The following LRRC37A2 variants were observed in gnomAD, a reference collection of about 807,000 sequenced individuals.
LRRC37A2 encodes leucine-rich repeat-containing protein 37A2.
A neutral mutation model predicts 68.8 loss-of-function variants in LRRC37A2; 9 were observed. The ratio of observed to expected loss-of-function variants is 0.13; its 90% CI spans 0.08 to 0.23. The LOEUF (loss-of-function observed/expected upper bound fraction) is 0.23. Ranked by LOEUF, LRRC37A2 falls within the 10% of genes least tolerant of loss-of-function variation. The pLI, the probability that LRRC37A2 is intolerant of heterozygous loss-of-function variation, is 1.00. For missense variants in LRRC37A2, 168 were observed against 950.4 expected, an observed-to-expected ratio of 0.18 and a Z score of 10.82; for synonymous variants, 63 against 367.6, an observed-to-expected ratio of 0.17 and a Z score of 9.48.
At chr17:46,697,132 T>C in the LRRC37A2 span, among the ~76,000 whole-genome samples, 1 of 83,532 alleles carries the variant, frequency 1.2e-5, no homozygotes, top group African/African-American at 3.0e-5. Context: ...TAAATCCTTA[T>C]CTTATTCACC....
At chr17:46,946,164 G>A in the LRRC37A2 span, among the ~76,000 whole-genome samples, 5 of 151,864 alleles carry the variant, frequency 3.3e-5, no homozygotes, top group Non-Finnish European at 1.5e-5. Flanking sequence ...GGCTGGGCGC[G>A]GTGTCTCATG....
the LRRC37A2 span, among the ~76,000 whole-genome samples, chr17:46,440,660 T>C: frequency 1.4e-4 from 2 of 14,202 alleles, no homozygotes; most frequent in South Asian, 2.5e-3. Context: ...AGAGACAGGG[T>C]TTCATCATGT....
chr17:46,916,404 T>G, the LRRC37A2 span, among the ~76,000 whole-genome samples: 1 of 152,144 alleles, frequency 6.6e-6, no homozygotes, highest in Non-Finnish European at 1.5e-5. Flanking sequence ...AAGGCAGGGG[T>G]GCAGTCAACA....
intron 9 of LRRC37A2, 129 bp from the exon 9 acceptor site, chr17:46,548,183 T>G: frequency 1.2e-4 from 28 of 233,216 alleles, no homozygotes; most frequent in South Asian, 7.5e-4. Context: ...GGGTGTGTGT[T>G]TCTCCTCTCT....
Position 46,548,299 on chromosome 17 carries a change from T to A in LRRC37A2, c.3173-13T>A. 1 of 432,846 alleles carries A rather than the reference T, an allele frequency of 2.3e-6. No homozygotes were observed. The highest frequency in any genetic ancestry group is 3.7e-6 in the Non-Finnish European group (1 of 268,456). The allele number at this position is 432,846 out of a possible 1,614,324, so 26.8% of individuals were successfully genotyped here. A position where few individuals can be genotyped will look rare whatever the true frequency, so the allele number is the denominator to read the frequency against. The stretch of plus-strand genomic sequence containing the variant: ...ATCTTTCATGATCAAAGCAGTCTCT[T>A]CTTTTTTGACAGCTGAAGAAGCATC... On this transcript the variant is annotated splice_polypyrimidine_tract_variant and intron_variant, in intron 9 of 14. Coordinates refer to ENST00000576629, the Ensembl canonical transcript of LRRC37A2.
At chr17:46,980,507 A>G in the LRRC37A2 span, among the ~76,000 whole-genome samples, 2 of 151,772 alleles carry the variant, frequency 1.3e-5, no homozygotes, top group Non-Finnish European at 2.9e-5. Flanking sequence ...TTTAGATTGT[A>G]TTTTGAAAAA....
the LRRC37A2 span, among the ~76,000 whole-genome samples, chr17:46,912,772 G>A: frequency 6.6e-6 from 1 of 152,220 alleles, no homozygotes; most frequent in African/African-American, 2.4e-5. Context: ...TGGGGTGGGA[G>A]TGACTGGGGT....
At chr17:46,771,209 C>G in the LRRC37A2 span, among the ~76,000 whole-genome samples, 6 of 152,214 alleles carry the variant, frequency 3.9e-5, no homozygotes, top group Middle Eastern at 3.2e-3. Flanking sequence ...GAGTGCAGAG[C>G]TGGTCCCGCC....
the LRRC37A2 span, among the ~76,000 whole-genome samples, chr17:46,855,849 C>T: frequency 6.6e-6 from 1 of 152,162 alleles, no homozygotes; most frequent in South Asian, 2.1e-4. Context: ...CAGGCATGTG[C>T]CACCATGCCT....
the LRRC37A2 span, among the ~76,000 whole-genome samples, chr17:46,633,897 G>T: frequency 9.8e-6 from 1 of 101,574 alleles, no homozygotes; most frequent in Non-Finnish European, 1.8e-5. Flanking sequence ...TTGAGACAGA[G>T]TTTCACTCTT....
chr17:46,773,633 C>T, the LRRC37A2 span: 3 of 630,138 alleles, frequency 4.8e-6, no homozygotes, highest in East Asian at 5.5e-5. Context: ...TCCCCCCACC[C>T]AGCCCCTCCC....
At chr17:46,834,221 C>A in the LRRC37A2 span, among the ~76,000 whole-genome samples, 3 of 152,092 alleles carry the variant, frequency 2.0e-5, no homozygotes, top group Admixed American at 2.0e-4. Flanking sequence ...AAATGTCTTA[C>A]TTCCAGAGGG....
the LRRC37A2 span, among the ~76,000 whole-genome samples, chr17:46,781,861 G>A: frequency 1.3e-5 from 2 of 152,188 alleles, no homozygotes; most frequent in Admixed American, 1.3e-4. Context: ...GGAAGATTGA[G>A]GCCCAGAGAG....
the LRRC37A2 span, among the ~76,000 whole-genome samples, chr17:46,837,343 C>T: frequency 0.012 from 1,800 of 152,298 alleles, 30 homozygotes; most frequent in African/African-American, 0.041. Flanking sequence ...TGATAACCTA[C>T]TCATGGAGCC....
chr17:46,813,832 T>C, the LRRC37A2 span, among the ~76,000 whole-genome samples: 1 of 152,210 alleles, frequency 6.6e-6, no homozygotes, highest in African/African-American at 2.4e-5. Context: ...TTAAGTTCTG[T>C]AGTGAGGAGG....
the LRRC37A2 span, among the ~76,000 whole-genome samples, chr17:47,012,843 C>A: frequency 6.6e-6 from 1 of 152,158 alleles, no homozygotes; most frequent in Non-Finnish European, 1.5e-5. Context: ...CCTAGGGTTA[C>A]CCCATGACCC....
At chr17:46,888,779 G>A in the LRRC37A2 span, among the ~76,000 whole-genome samples, 1 of 152,166 alleles carries the variant, frequency 6.6e-6, no homozygotes, top group Non-Finnish European at 1.5e-5. Flanking sequence ...GTTCATAGCA[G>A]TGAAAACCAG....
chr17:47,037,017 C>T, the LRRC37A2 span, among the ~76,000 whole-genome samples: 13 of 130,292 alleles, frequency 1.0e-4, no homozygotes, highest in Non-Finnish European at 1.8e-4. Context: ...TAGCAGGGCG[C>T]AGTGGCTCAC....
At chr17:46,935,025 A>G in the LRRC37A2 span, 7 of 1,612,502 alleles carry the variant, frequency 4.3e-6, no homozygotes, top group East Asian at 6.7e-5. Context: ...TGTTTCTTTC[A>G]CAGGACTCTG....
Sources: allele counts gnomAD v4.1 joint callset (sites outside exome capture counted in the v4.1 genomes callset), GRCh38; gene constraint gnomAD v4.1.1; transcripts MANE v1.5; gene names NCBI Gene and HGNC (gene_info 2026-07-23, HGNC 2026-07-21).